DPYSL5: variants seen among roughly 807,000 people sequenced by gnomAD.
The protein encoded by DPYSL5 is dihydropyrimidinase-related protein 5.
DPYSL5 carries 9 observed loss-of-function variants against 58.4 expected under a neutral mutation model. The ratio of observed to expected loss-of-function variants is 0.15; its 90% confidence interval spans 0.09 to 0.27. DPYSL5 has a LOEUF of 0.27. DPYSL5 is among the 10% of genes least tolerant of loss of function. The pLI, the probability that DPYSL5 is intolerant of heterozygous loss-of-function variation, is 1.00. For missense variants in DPYSL5, 499 were observed against 770.6 expected, an observed-to-expected ratio of 0.65 and a Z score of 4.17; for synonymous variants, 293 against 301.9, an observed-to-expected ratio of 0.97 and a Z score of 0.31.
chr2:26,943,930 A>G (rs1393912377), intron 11 of DPYSL5, among the ~76,000 whole-genome samples: 1 of 152,206 alleles, frequency 6.6e-6, no homozygotes, highest in East Asian at 1.9e-4. Context: ...TCAGACCAGT[A>G]AAGGGTGTGG....
At chr2:26,854,115 G>T (rs188057724) in intron 1 of DPYSL5, among the ~76,000 whole-genome samples, 1 of 152,170 alleles carries the variant, frequency 6.6e-6, no homozygotes, top group African/African-American at 2.4e-5. Context: ...GCAACATTTA[G>T]ATGAATCTTT....
At chr2:26,896,382 T>C (rs1294202256) in intron 1 of DPYSL5, among the ~76,000 whole-genome samples, 1 of 152,226 alleles carries the variant, frequency 6.6e-6, no homozygotes, top group Non-Finnish European at 1.5e-5. Flanking sequence ...TCTGATTTCA[T>C]TTCCCTTGGA....
chr2:26,916,905 G>C (rs1185258980), intron 2 of DPYSL5, among the ~76,000 whole-genome samples: 3 of 152,170 alleles, frequency 2.0e-5, no homozygotes, highest in Admixed American at 1.3e-4. Flanking sequence ...TGGAGCATCT[G>C]ATACACATAA....
chr2:26,941,583 G>C (rs1665323341), intron 9 of DPYSL5, among the ~76,000 whole-genome samples: 1 of 152,200 alleles, frequency 6.6e-6, no homozygotes, highest in South Asian at 2.1e-4. Context: ...TGTTTTTCTA[G>C]AGCATATATA....
In DPYSL5 at chr2:26,924,899, G is replaced by A. The variant is rs1346141744; in HGVS notation, c.274G>A (p.Gly92Arg). ...CCCGTCTTCCCAGGCAGCACTCGTC[G>A]GAGGCACCACCATGATCATCGGCCA... ...FYHGTKAALV[G>R]GTTMIIGHVL... Residue 92 changes from glycine to arginine, a missense_variant, in exon 3 of 13, where the codon GGA (glycine) becomes AGA (arginine). Gly to Arg is a moderately radical substitution (Grantham distance 125, BLOSUM62 -2). This residue lies in a region of DPYSL5 where 404 missense variants were observed against 647.6 expected (regional missense o/e 0.62). Transcript: ENST00000288699. This position sits in a 1 kb window ranked among gnomAD's most constrained non-coding sequence, Gnocchi z 4.7. 1.9e-6 allele frequency: 3 copies of A among 1,613,778 alleles called. No individual in the cohort carries two copies. The highest frequency in any genetic ancestry group is 1.1e-5 in the South Asian group (1 of 91,032).
At chr2:26,938,692 A>T (rs1665242433) in intron 8 of DPYSL5, 1 of 152,300 alleles carries the variant, frequency 6.6e-6, no homozygotes, top group Non-Finnish European at 1.5e-5. Context: ...ACCAGGTCAG[A>T]TAATGCTTTC....
Position 26,927,456 on chromosome 2 carries a change from G to A in DPYSL5, c.600+24G>A. ...AGGCAAGTCTGCAGCCAAGAATATT[G>A]GATGGAGGGACACCAGTGGAGACAG... On this transcript the variant is annotated intron_variant, in intron 4 of 12. Transcript: ENST00000288699. The surrounding 1 kb of genome is among the most constrained non-coding windows in gnomAD (Gnocchi z 4.3). 6.2e-7 allele frequency: 1 copy of A among 1,610,626 alleles called. No homozygotes were observed. The highest frequency in any genetic ancestry group is 1.3e-5 in the African/African-American group (1 of 74,774).
chr2:26,921,939 C>T (rs1024643950), intron 2 of DPYSL5, among the ~76,000 whole-genome samples: 2 of 152,098 alleles, frequency 1.3e-5, no homozygotes, highest in Non-Finnish European at 2.9e-5. Flanking sequence ...CCTATGCTTC[C>T]AACTCCTTCC....
intron 5 of DPYSL5, among the ~76,000 whole-genome samples, chr2:26,928,704 T>TATATATATATATATATATACACACAC: frequency 1.6e-5 from 1 of 63,002 alleles, no homozygotes; most frequent in African/African-American, 6.3e-5. Context: ...TATATATATA[T>TATATATATATATATATATACACACAC]ACACACACAC....
intron 12 of DPYSL5, 63 bp from the exon 13 acceptor site, chr2:26,946,847 G>A: frequency 7.6e-7 from 1 of 1,313,476 alleles, no homozygotes; most frequent in Non-Finnish European, 1.1e-6. Context: ...CCAGGAGAGG[G>A]TGTCTGTGGT....
intron 1 of DPYSL5, among the ~76,000 whole-genome samples, chr2:26,863,783 G>A (rs1299742158): frequency 1.3e-5 from 2 of 152,070 alleles, no homozygotes; most frequent in South Asian, 2.1e-4. Context: ...TTGTCTCTAG[G>A]GATTGGCTGA....
intron 1 of DPYSL5, among the ~76,000 whole-genome samples, chr2:26,873,275 A>G (rs1014863231): frequency 3.9e-5 from 6 of 152,204 alleles, no homozygotes; most frequent in East Asian, 3.8e-4. Context: ...CACTACCACA[A>G]TCAAGATATG....
At chr2:26,893,174 C>A (rs1372651511) in intron 1 of DPYSL5, among the ~76,000 whole-genome samples, 1 of 152,212 alleles carries the variant, frequency 6.6e-6, no homozygotes, top group Non-Finnish European at 1.5e-5. Flanking sequence ...CAGCAGCCCC[C>A]AAGGGCCATG....
intron 1 of DPYSL5, among the ~76,000 whole-genome samples, chr2:26,868,115 C>T (rs752378020): frequency 3.3e-5 from 5 of 152,134 alleles, no homozygotes; most frequent in Non-Finnish European, 7.4e-5. Flanking sequence ...AGAGGCTGAA[C>T]ATCATCTCAT....
rs1664082578 is a variant in DPYSL5, at chr2:26,898,843, G to A, written c.261+83G>A. 4 of 1,495,282 alleles carry A rather than the reference G, an allele frequency of 2.7e-6. No homozygotes were observed. The highest frequency in any genetic ancestry group is 2.7e-6 in the Non-Finnish European group (3 of 1,112,240). 92.6% of individuals were successfully genotyped at this position (1,495,282 alleles called of 1,614,324 possible). A position where few individuals can be genotyped will look rare whatever the true frequency, so the allele number is the denominator to read the frequency against. On this transcript the variant is annotated intron_variant, in intron 2 of 12. Coordinates refer to ENST00000288699, the MANE Select transcript of DPYSL5 (RefSeq NM_020134.4). This position sits in a 1 kb window ranked among gnomAD's most constrained non-coding sequence, Gnocchi z 6.1. ...GGGCTGCTCCAGACTAGACTCATGT[G>A]AGCCAGGTGCTCCCAGTGTATTGCT...
At position 26,944,686 on chromosome 2, in the gene DPYSL5, C is replaced by T. The variant is rs1665421671; in HGVS notation, c.1471C>T (p.Pro491Ser). The T allele has an allele frequency of 6.2e-7, 1 of 1,614,124 alleles. No individual in the cohort carries two copies. The highest frequency in any genetic ancestry group is 8.5e-7 in the Non-Finnish European group (1 of 1,179,988). The change falls in exon 12 of 13, where the codon CCC becomes TCC. Residue 491 changes from proline (P) to serine (S), a missense_variant. Physicochemically the swap from Pro to Ser is moderately conservative, Grantham distance 74. This residue lies in a region of DPYSL5 where 62 missense variants were observed against 59.2 expected (regional missense o/e 1.05). Coordinates refer to ENST00000288699, the MANE Select transcript of DPYSL5 (RefSeq NM_020134.4). The surrounding 1 kb of genome is among the most constrained non-coding windows in gnomAD (Gnocchi z 4.4). The stretch of plus-strand genomic sequence containing the variant: ...AAAGGTTAGAGGAGTGGACCGCACT[C>T]CCTACCTGGGGGATGTCGCTGTTGT... ...TLKVRGVDRT[P>S]YLGDVAVVVH...
In DPYSL5 at chr2:26,948,103, A is replaced by ACACACG. The variant is rs1553323439; in HGVS notation, c.*1113_*1114insGCACAC. The ACACACG allele has an allele frequency of 1.9e-5, 3 of 155,620 alleles. No homozygotes were observed. Among genetic ancestry groups the ACACACG allele is most frequent in the African/African-American group, 4.8e-5 (2 of 41,250 alleles). The allele number at this position is 155,620 out of a possible 1,614,324, so 9.6% of individuals were successfully genotyped here. On this transcript the variant is annotated 3_prime_UTR_variant, in exon 13 of 13. Coordinates refer to ENST00000288699, the MANE Select transcript of DPYSL5 (RefSeq NM_020134.4). ...CACACACACACACACACACACACAC[A>ACACACG]CACACACGCACGGCTTCCTATAACT...
intron 2 of DPYSL5, among the ~76,000 whole-genome samples, chr2:26,918,661 A>T (rs551673735): frequency 6.6e-6 from 1 of 152,320 alleles, no homozygotes; most frequent in African/African-American, 2.4e-5. Context: ...TACAGAGCAC[A>T]TCCACTCGTC....
chr2:26,863,445 T>C (rs999882532), intron 1 of DPYSL5, among the ~76,000 whole-genome samples: 2 of 152,110 alleles, frequency 1.3e-5, no homozygotes, highest in African/African-American at 2.4e-5. Flanking sequence ...CCCAGAATGG[T>C]AAAGGAAAAG....
Sources: allele counts gnomAD v4.1 joint callset (sites outside exome capture counted in the v4.1 genomes callset), GRCh38; gene constraint gnomAD v4.1.1; regional missense constraint gnomAD v4.1.1; non-coding constraint Gnocchi (gnomAD v3.1); transcripts MANE v1.5; gene names NCBI Gene and HGNC (gene_info 2026-07-23, HGNC 2026-07-21).